The following NEGR1 variants were observed in gnomAD, a reference collection of about 807,000 sequenced individuals.
NEGR1 encodes the protein IgLON family member 4.
NEGR1 carries 10 observed loss-of-function variants against 40.9 expected under a neutral mutation model. The ratio of observed to expected loss-of-function variants is 0.24; its 90% CI spans 0.15 to 0.42. The LOEUF (loss-of-function observed/expected upper bound fraction) is 0.42, where lower values mean the gene tolerates loss of function less well. Ranked by LOEUF, NEGR1 falls within the 10% of genes least tolerant of loss-of-function variation. The probability of loss-of-function intolerance (pLI) is 1.00; values close to 1 mark genes in which losing one functional copy is unlikely to be tolerated. For missense variants in NEGR1, 352 were observed against 438.9 expected (o/e 0.80, Z 1.77); for synonymous variants, 185 against 166.8 (o/e 1.11, Z -0.84).
intron 2 of NEGR1, among the ~76,000 whole-genome samples, chr1:71,907,402 A>G (rs1661306996): frequency 6.6e-6 from 1 of 152,194 alleles, no homozygotes; most frequent in Non-Finnish European, 1.5e-5. Flanking sequence ...GAAAAAGACA[A>G]AAGTTAAGTC....
chr1:72,100,398 T>C (rs540052085), intron 1 of NEGR1, among the ~76,000 whole-genome samples: 2 of 152,296 alleles, frequency 1.3e-5, no homozygotes, highest in Admixed American at 6.5e-5. Context: ...TATCAACTCA[T>C]GTACCTCAAC....
chr1:71,929,526 T>C (rs1645834670), intron 2 of NEGR1, among the ~76,000 whole-genome samples: 1 of 152,150 alleles, frequency 6.6e-6, no homozygotes, highest in Admixed American at 6.5e-5. Flanking sequence ...GGATCCAATA[T>C]GAGAGTCTTG....
intron 6 of NEGR1, among the ~76,000 whole-genome samples, chr1:71,528,458 A>C (rs1416765860): frequency 6.6e-6 from 1 of 151,360 alleles, no homozygotes; most frequent in African/African-American, 2.4e-5. Context: ...AGTTTTGCTA[A>C]ATGACAAACT....
chr1:72,142,333 G>A (rs962265296), intron 1 of NEGR1, among the ~76,000 whole-genome samples: 1 of 151,884 alleles, frequency 6.6e-6, no homozygotes, highest in African/African-American at 2.4e-5. Flanking sequence ...AAAAATGTGA[G>A]ATTGATCTTT....
At chr1:72,255,011 C>T (rs563896346) in intron 1 of NEGR1, among the ~76,000 whole-genome samples, 7 of 152,044 alleles carry the variant, frequency 4.6e-5, no homozygotes, top group African/African-American at 1.2e-4. Flanking sequence ...ATGTGTTTTC[C>T]ACCCATTATC....
chr1:71,977,541 T>C (rs1003431185), intron 1 of NEGR1, among the ~76,000 whole-genome samples: 1 of 152,094 alleles, frequency 6.6e-6, no homozygotes, highest in African/African-American at 2.4e-5. Flanking sequence ...ACTTTAAAGA[T>C]TTCGTAAAAA....
rs994242428 is a variant in NEGR1 at position 71,403,277 on chromosome 1, G to C, written c.*4169C>G. ...AAACCAAGGTATTTTTAAGGAAATT[G>C]TATCTGAATACCTTCAGGTGCCCGT... On this transcript the variant is annotated 3_prime_UTR_variant, in exon 7 of 7. Coordinates refer to ENST00000357731, the MANE Select transcript of NEGR1 (RefSeq NM_173808.3). 4 of 151,962 alleles carry C rather than the reference G, an allele frequency of 2.6e-5. No homozygotes were observed. Among genetic ancestry groups the C allele is most frequent in the African/African-American group, 7.2e-5 (3 of 41,418 alleles). 9.4% of individuals were successfully genotyped at this position (151,962 alleles called of 1,614,324 possible).
intron 4 of NEGR1, among the ~76,000 whole-genome samples, chr1:71,689,672 A>G (rs990575660): frequency 5.3e-5 from 8 of 152,180 alleles, no homozygotes; most frequent in Non-Finnish European, 7.4e-5. Context: ...AATAAAATTC[A>G]TTATTAATCT....
At chr1:72,039,542 C>A (rs1170845782) in intron 1 of NEGR1, among the ~76,000 whole-genome samples, 1 of 151,926 alleles carries the variant, frequency 6.6e-6, no homozygotes, top group African/African-American at 2.4e-5. Flanking sequence ...ACAGTAAGAA[C>A]CCTCCAAGTG....
chr1:72,156,546 C>T (rs1462041179), intron 1 of NEGR1, among the ~76,000 whole-genome samples: 1 of 152,134 alleles, frequency 6.6e-6, no homozygotes, highest in African/African-American at 2.4e-5. Flanking sequence ...ATGGCAGATG[C>T]TATGCATACA....
chr1:71,409,458 A>G (rs890378725), intron 6 of NEGR1, among the ~76,000 whole-genome samples: 10 of 152,156 alleles, frequency 6.6e-5, no homozygotes, highest in African/African-American at 2.4e-4. Context: ...TTAAGTAGTA[A>G]CATTAAATGG....
Position 71,698,442 on chromosome 1 carries a change from TTCAACAACCTCTGAGCAGTGTAGA to T in NEGR1, c.536-327_536-304del, listed in dbSNP as rs529272476. Among the ~76,000 whole-genome samples the T allele has an allele frequency of 5.2e-3, 788 of 151,950 alleles. 6 individuals carry two copies. Among genetic ancestry groups the T allele is most frequent in the Middle Eastern group, 0.031 (9 of 294 alleles). ...GACTCTGCACATTTCTGTAATTGAG[TTCAACAACCTCTGAGCAGTGTAGA>T]TGAAATTCACTAATATGACTTGGTA... On this transcript the variant is annotated intron_variant, in intron 3 of 6. Transcript: ENST00000357731.
chr1:71,602,060 G>A (rs796871585), intron 5 of NEGR1, among the ~76,000 whole-genome samples: 4 of 151,846 alleles, frequency 2.6e-5, no homozygotes, highest in African/African-American at 9.7e-5. Flanking sequence ...CAATACTTCT[G>A]GAATCCAGTC....
chr1:71,839,294 C>T (rs1389978275), intron 2 of NEGR1, among the ~76,000 whole-genome samples: 2 of 149,644 alleles, frequency 1.3e-5, no homozygotes, highest in African/African-American at 4.9e-5. Context: ...ACCTCCTCCT[C>T]CTGGGTTCAA....
intron 2 of NEGR1, among the ~76,000 whole-genome samples, chr1:71,823,219 T>TG (rs1658498997): frequency 6.8e-6 from 1 of 146,624 alleles, no homozygotes; most frequent in South Asian, 2.2e-4. Flanking sequence ...TTTTTTTTTT[T>TG]GCCCAGAATT....
chr1:71,546,407 G>C (rs1348328131), intron 6 of NEGR1, among the ~76,000 whole-genome samples: 1 of 151,080 alleles, frequency 6.6e-6, no homozygotes, highest in Non-Finnish European at 1.5e-5. Context: ...CTTTCTAGTG[G>C]GCACACAACA....
rs1569874719 is a variant in NEGR1 at position 71,441,060 on chromosome 1, A to T, written c.941-33490T>A. On this transcript the variant is annotated intron_variant, in intron 6 of 6. Transcript: ENST00000357731. ...GGCTTTTGGTAGTGATAAATGACAG[A>T]TGAATTTCAAGGCACGTCCAGCTGA... Among the ~76,000 whole-genome samples the T allele has an allele frequency of 3.3e-5, 5 of 152,328 alleles. 1 individual carries two copies. Among genetic ancestry groups the T allele is most frequent in the Admixed American group, 3.3e-4 (5 of 15,302 alleles).
At chr1:72,266,891 G>A (rs1460948) in intron 1 of NEGR1, among the ~76,000 whole-genome samples, 34,667 of 150,412 alleles carry the variant, frequency 0.23, 4,832 homozygotes, top group Non-Finnish European at 0.31. Flanking sequence ...ACAAGACAGG[G>A]CAATAGCAAA....
intron 3 of NEGR1, among the ~76,000 whole-genome samples, chr1:71,727,506 T>G (rs1261303534): frequency 6.6e-6 from 1 of 152,132 alleles, no homozygotes; most frequent in African/African-American, 2.4e-5. Flanking sequence ...TCAAGAGAAG[T>G]AGCTATCACT....
Sources: allele counts gnomAD v4.1 joint callset (sites outside exome capture counted in the v4.1 genomes callset), GRCh38; gene constraint gnomAD v4.1.1; transcripts MANE v1.5; gene names NCBI Gene and HGNC (gene_info 2026-07-23, HGNC 2026-07-21).